Variants in SIPA1L1 observed in about 807,000 individuals in gnomAD.
SIPA1L1 encodes the protein signal induced proliferation associated 1 like 1, also known as signal-induced proliferation-associated 1-like protein 1.
SIPA1L1 carries 26 observed loss-of-function variants against 162.7 expected under a neutral mutation model. The ratio of observed to expected loss-of-function variants is 0.16; its 90% CI spans 0.12 to 0.22. SIPA1L1 has a LOEUF of 0.22. Among genes scored for constraint, SIPA1L1 ranks in the 10% least tolerant of loss-of-function variants. SIPA1L1 has a pLI of 1.00. For missense variants in SIPA1L1, 1,874 were observed against 2,241.0 expected (o/e 0.84, Z 3.31); for synonymous variants, 829 against 837.4 (o/e 0.99, Z 0.17).
At chr14:71,476,684 T>TATTTATTC (rs1555433028) in intron 2 of SIPA1L1, among the ~76,000 whole-genome samples, 9 of 141,636 alleles carry the variant, frequency 6.4e-5, no homozygotes, top group Non-Finnish European at 4.8e-5. Flanking sequence ...TTTATTTATT[T>TATTTATTC]ATTTATTTTT....
intron 13 of SIPA1L1, among the ~76,000 whole-genome samples, chr14:71,687,371 T>G (rs1401177993): frequency 6.6e-6 from 1 of 152,194 alleles, no homozygotes; most frequent in East Asian, 1.9e-4. Flanking sequence ...CTAACTGGAA[T>G]TCATGATTTG....
At chr14:71,627,469 G>A (rs970806492) in intron 7 of SIPA1L1, among the ~76,000 whole-genome samples, 3 of 151,958 alleles carry the variant, frequency 2.0e-5, no homozygotes, top group Non-Finnish European at 4.4e-5. Context: ...TGATGCCCAT[G>A]TCAGTTGTTA....
In SIPA1L1 at chr14:71,454,316, A is replaced by T. The variant is rs749698724; in HGVS notation, c.-464-58427A>T. Among the ~76,000 whole-genome samples the T allele has an allele frequency of 4.6e-5, 7 of 152,324 alleles. No individual in the cohort carries two copies. In the South Asian group the frequency reaches 6.2e-4, roughly 14 times the overall value. ...CTTGCGGAAAAACTATAGTATTTAGAACCTTTGGTTTAAATTGAACAACTC... is the reference window on the plus strand; with the variant it reads ...CTTGCGGAAAAACTATAGTATTTAGTACCTTTGGTTTAAATTGAACAACTC... On this transcript the variant is annotated intron_variant, in intron 2 of 23. Coordinates refer to ENST00000381232, the MANE Select transcript of SIPA1L1 (RefSeq NM_001386936.1).
intron 20 of SIPA1L1, among the ~76,000 whole-genome samples, chr14:71,732,401 G>C (rs1404089462): frequency 1.3e-5 from 2 of 152,052 alleles, no homozygotes; most frequent in Non-Finnish European, 2.9e-5. Flanking sequence ...CTCTGCCCTG[G>C]CTTCCACCCA....
chr14:71,479,340 T>TGTAG (rs1197403864), intron 2 of SIPA1L1, among the ~76,000 whole-genome samples: 9 of 146,314 alleles, frequency 6.2e-5, no homozygotes, highest in Admixed American at 1.3e-4. Flanking sequence ...TATGTAGGTA[T>TGTAG]GTATGTATGT....
At chr14:71,609,243 C>T (rs1317605677) in intron 5 of SIPA1L1, among the ~76,000 whole-genome samples, 1 of 151,954 alleles carries the variant, frequency 6.6e-6, no homozygotes, top group African/African-American at 2.4e-5. Context: ...TTAGTGAAGC[C>T]TACGAACTCT....
At chr14:71,644,514 G>A (rs892131735) in intron 7 of SIPA1L1, among the ~76,000 whole-genome samples, 1 of 152,210 alleles carries the variant, frequency 6.6e-6, no homozygotes, top group Non-Finnish European at 1.5e-5. Flanking sequence ...TAGGATTACA[G>A]GCATGAACCA....
At chr14:71,669,399 A>G (rs552839463) in intron 10 of SIPA1L1, among the ~76,000 whole-genome samples, 9 of 152,210 alleles carry the variant, frequency 5.9e-5, no homozygotes, top group Non-Finnish European at 1.3e-4. Context: ...CTTATTTAAA[A>G]TAAAATCACA....
intron 17 of SIPA1L1, among the ~76,000 whole-genome samples, chr14:71,718,201 G>A (rs566026044): frequency 1.3e-5 from 2 of 152,294 alleles, no homozygotes; most frequent in South Asian, 4.1e-4. Context: ...GAGCTCCCAG[G>A]TGACGCTCAC....
In SIPA1L1 at chr14:71,661,354, T is replaced by C; in HGVS notation, c.2142T>C (p.Val714=). 1 of 1,614,042 alleles carries C rather than the reference T, an allele frequency of 6.2e-7. No individual in the cohort carries two copies. The highest frequency in any genetic ancestry group is 8.5e-7 in the Non-Finnish European group (1 of 1,179,930). Residue 714 remains valine, a synonymous_variant, in exon 10 of 24, where the codon GTT becomes GTC. Coordinates refer to ENST00000381232, the MANE Select transcript of SIPA1L1 (RefSeq NM_001386936.1). ...RHIGNDIVTI[V]FQEPGAQPFS... ...TTGGAAATGATATCGTAACAATTGT[T>C]TTCCAAGAGCCTGGAGCACAGCCAT... is the stretch of plus-strand genomic sequence containing the variant.
At chr14:71,381,215 G>A (rs911479688) in intron 2 of SIPA1L1, among the ~76,000 whole-genome samples, 1 of 152,012 alleles carries the variant, frequency 6.6e-6, no homozygotes, top group Admixed American at 6.5e-5. Context: ...ACGGTGCCCG[G>A]CTAATTTTTT....
chr14:71,685,551 A>T lies in SIPA1L1; in HGVS notation c.3294A>T (p.Gly1098=), dbSNP rs878870064. Reference sequence around the variant, plus strand: ...CCTCGCGGCTGAATGCTGGAAAAGGAGATGGGAAGATGCCTCCTCCAGAAA... The same window carrying T: ...CCTCGCGGCTGAATGCTGGAAAAGGTGATGGGAAGATGCCTCCTCCAGAAA... The part of the protein sequence containing the change: ...PMTSRLNAGK[G]DGKMPPPERA... The change falls in exon 13 of 24, where the codon GGA becomes GGT. Residue 1098 remains glycine, a synonymous_variant. Transcript: ENST00000381232. The T allele has an allele frequency of 2.5e-6, 4 of 1,614,120 alleles. No homozygotes were observed. Among genetic ancestry groups the T allele is most frequent in the Non-Finnish European group, 3.4e-6 (4 of 1,180,060 alleles).
chr14:71,355,096 A>G lies in SIPA1L1; in HGVS notation c.-465+33915A>G, dbSNP rs187672564. ...TCAGAAACGTGTAAGCGATCTTTAT[A>G]AAGTTTTGCCTTTGAGTATTACCTG... On this transcript the variant is annotated intron_variant, in intron 2 of 23. Coordinates refer to ENST00000381232, the MANE Select transcript of SIPA1L1 (RefSeq NM_001386936.1). 1.4e-3 allele frequency among the ~76,000 whole-genome samples: 216 copies of G among 152,364 alleles called. 1 individual carries two copies. Among genetic ancestry groups the G allele is most frequent in the Middle Eastern group, 6.8e-3 (2 of 294 alleles).
intron 13 of SIPA1L1, among the ~76,000 whole-genome samples, chr14:71,694,406 G>A (rs72729975): frequency 1.1e-3 from 171 of 152,152 alleles, no homozygotes; most frequent in Non-Finnish European, 2.1e-3. Context: ...CTGGTGTTTA[G>A]TGTTAAGTGT....
chr14:71,415,383 T>A (rs1309429339), intron 2 of SIPA1L1, among the ~76,000 whole-genome samples: 1 of 152,206 alleles, frequency 6.6e-6, no homozygotes, highest in East Asian at 1.9e-4. Flanking sequence ...TTTTTAGATA[T>A]CTGTAATTTT....
intron 2 of SIPA1L1, among the ~76,000 whole-genome samples, chr14:71,389,368 T>C (rs1372569512): frequency 2.0e-5 from 3 of 152,242 alleles, no homozygotes; most frequent in Non-Finnish European, 4.4e-5. Flanking sequence ...CATTCCTTCA[T>C]AGTTTCTATG....
chr14:71,527,596 G>T (rs544109368), intron 3 of SIPA1L1, among the ~76,000 whole-genome samples: 1 of 151,886 alleles, frequency 6.6e-6, no homozygotes, highest in Non-Finnish European at 1.5e-5. Context: ...CTGTTTTGAG[G>T]CGTCCACTTT....
intron 2 of SIPA1L1, among the ~76,000 whole-genome samples, chr14:71,383,971 C>CTTT (rs1265232631): frequency 6.6e-6 from 1 of 152,158 alleles, no homozygotes; most frequent in Non-Finnish European, 1.5e-5. Flanking sequence ...TTCTCTGGGG[C>CTTT]TTTTTCAGTC....
At chr14:71,556,023 G>C (rs538941221) in intron 4 of SIPA1L1, among the ~76,000 whole-genome samples, 1 of 152,158 alleles carries the variant, frequency 6.6e-6, no homozygotes, top group South Asian at 2.1e-4. Flanking sequence ...ATGTGACACA[G>C]AGACAGGAAG....
Sources: gnomAD v4.1 joint callset for allele counts (sites outside exome capture counted in the v4.1 genomes callset) on GRCh38, gnomAD v4.1.1 for gene constraint, MANE v1.5 for transcripts, NCBI Gene and HGNC (gene_info 2026-07-23, HGNC 2026-07-21) for gene names.